ATXN10: variants seen among roughly 807,000 people sequenced by gnomAD.
ATXN10 encodes ataxin-10.
In ATXN10, 28 loss-of-function variants were observed where a neutral mutation model predicts 52.9. The ratio of observed to expected loss-of-function variants is 0.53; its 90% confidence interval spans 0.39 to 0.73. The LOEUF (loss-of-function observed/expected upper bound fraction) is 0.73. ATXN10 is among the 30% of genes least tolerant of loss of function. ATXN10 has a pLI of 0.00. For missense variants in ATXN10, 565 were observed against 577.0 expected (o/e 0.98, Z 0.21); for synonymous variants, 226 against 221.5 (o/e 1.02, Z -0.18).
chr22:45,726,046 A>G (rs931772908), intron 6 of ATXN10, among the ~76,000 whole-genome samples: 1 of 152,110 alleles, frequency 6.6e-6, no homozygotes, highest in Non-Finnish European at 1.5e-5. Context: ...CGATGGATTC[A>G]GTTTTCTAGT....
chr22:45,719,556 T>A (rs1407393358), intron 6 of ATXN10, among the ~76,000 whole-genome samples: 1 of 88,604 alleles, frequency 1.1e-5, no homozygotes, highest in South Asian at 3.0e-4. Context: ...AAAATTAGTA[T>A]TTTTTTTTTT....
intron 7 of ATXN10, among the ~76,000 whole-genome samples, chr22:45,737,997 A>G (rs1372443525): frequency 2.0e-5 from 3 of 152,160 alleles, no homozygotes; most frequent in African/African-American, 7.2e-5. Context: ...GACTAACTTT[A>G]TAATCTCTGC....
At chr22:45,830,793 G>A (rs1290294453) in intron 10 of ATXN10, among the ~76,000 whole-genome samples, 3 of 152,018 alleles carry the variant, frequency 2.0e-5, no homozygotes, top group Middle Eastern at 3.5e-3. Flanking sequence ...TGTGGAAAAC[G>A]GTTTGGCAAG....
intron 9 of ATXN10, among the ~76,000 whole-genome samples, chr22:45,779,792 G>T (rs1927082261): frequency 6.6e-6 from 1 of 152,122 alleles, no homozygotes; most frequent in Admixed American, 6.5e-5. Context: ...AGATGAAATA[G>T]AATTCGTACA....
rs576415270 is a variant in ATXN10, at chr22:45,775,687, T to G, written c.1174-31272T>G. ...AAAATGTGACTTGCAGTATTGTTAT[T>G]GAGAGAGATTTAGTGAAAAACAGCG... On this transcript the variant is annotated intron_variant, in intron 9 of 11. Transcript: ENST00000252934. This position sits in a 1 kb window ranked among gnomAD's most constrained non-coding sequence, Gnocchi z 4.7. Among the ~76,000 whole-genome samples the G allele has an allele frequency of 1.3e-5, 2 of 152,326 alleles. No homozygotes were observed. The highest frequency in any genetic ancestry group is 4.1e-4 in the South Asian group (2 of 4,828).
At chr22:45,829,695 A>G (rs1339759730) in intron 10 of ATXN10, among the ~76,000 whole-genome samples, 1 of 152,218 alleles carries the variant, frequency 6.6e-6, no homozygotes, top group African/African-American at 2.4e-5. Context: ...TTGTACCATG[A>G]AAACTATAAA....
chr22:45,700,225 T>C (rs1252268810), intron 3 of ATXN10, 57 bp from the exon 4 acceptor site: 1 of 1,191,478 alleles, frequency 8.4e-7, no homozygotes, highest in Non-Finnish European at 1.2e-6. Flanking sequence ...TTAAGATGCA[T>C]TTATTTATTG....
intron 9 of ATXN10, among the ~76,000 whole-genome samples, chr22:45,741,894 A>G (rs1925551297): frequency 6.6e-6 from 1 of 152,190 alleles, no homozygotes; most frequent in Non-Finnish European, 1.5e-5. Flanking sequence ...CATGCAGGGC[A>G]GTGAAAAGTC....
rs1922912415 is a variant in ATXN10 at position 45,681,325 on chromosome 22, A to G, written c.117-8387A>G. 6.6e-6 allele frequency among the ~76,000 whole-genome samples: 1 copy of G among 152,098 alleles called. No homozygotes were observed. Among genetic ancestry groups the G allele is most frequent in the East Asian group, 1.9e-4 (1 of 5,178 alleles). On this transcript the variant is annotated intron_variant, in intron 1 of 11. Transcript: ENST00000252934. This position sits in a 1 kb window ranked among gnomAD's most constrained non-coding sequence, Gnocchi z 4.2. ...GCCATACCTTACTTAGACTTTATCC[A>G]TAACTGTAGCTGCCTTCCCCCACAA...
chr22:45,832,550 G>A (rs1929028217), intron 10 of ATXN10, among the ~76,000 whole-genome samples: 2 of 152,234 alleles, frequency 1.3e-5, no homozygotes, highest in Non-Finnish European at 2.9e-5. Flanking sequence ...GCCTCTGCAA[G>A]TGCTAGAATG....
Position 45,770,470 on chromosome 22 carries a change from C to T in ATXN10, c.1173+29932C>T, listed in dbSNP as rs1457611354. ...CTGTGTCTGTGAATGTGTGTTGCAA[C>T]ATTAGGTTGCAATGCATATGTGTTT... On this transcript the variant is annotated intron_variant, in intron 9 of 11. Transcript: ENST00000252934. This position sits in a 1 kb window ranked among gnomAD's most constrained non-coding sequence, Gnocchi z 4.5. Among the ~76,000 whole-genome samples the T allele has an allele frequency of 6.6e-6, 1 of 152,176 alleles. No individual in the cohort carries two copies. Among genetic ancestry groups the T allele is most frequent in the African/African-American group, 2.4e-5 (1 of 41,438 alleles).
rs904225982 is a variant in ATXN10 at position 45,766,478 on chromosome 22, A to G, written c.1173+25940A>G. Among the ~76,000 whole-genome samples, 4 of 152,284 alleles carry G rather than the reference A, an allele frequency of 2.6e-5. No individual in the cohort carries two copies. Among genetic ancestry groups the G allele is most frequent in the African/African-American group, 9.6e-5 (4 of 41,564 alleles). On this transcript the variant is annotated intron_variant, in intron 9 of 11. Transcript: ENST00000252934. This position sits in a 1 kb window ranked among gnomAD's most constrained non-coding sequence, Gnocchi z 4.6. Reference sequence around the variant, plus strand: ...TCCATGAAATCAGTCCCTGGTGCCAAAAAGGTTGGGAACTCCTCCTTTAGA... The same window carrying G: ...TCCATGAAATCAGTCCCTGGTGCCAGAAAGGTTGGGAACTCCTCCTTTAGA...
intron 7 of ATXN10, among the ~76,000 whole-genome samples, chr22:45,731,674 A>G (rs1255766951): frequency 6.6e-6 from 1 of 152,182 alleles, no homozygotes; most frequent in East Asian, 1.9e-4. Context: ...CGATACTGTG[A>G]AACTGTTAAC....
rs1458862354 is a variant in ATXN10 at position 45,740,388 on chromosome 22, T to C, written c.1023T>C (p.His341=). ...TTATAGATCTTTTGCGGGTGATTCA[T>C]GTAGCTGGAAAAGAAACCACAAACA... ...ERVIDLLRVI[H]VAGKETTNIF... is the part of the protein sequence containing the mutation. Residue 341 remains histidine (H), a synonymous_variant, in exon 9 of 12, where the codon CAT becomes CAC. Transcript: ENST00000252934. 1.9e-6 allele frequency: 3 copies of C among 1,613,778 alleles called. No homozygotes were observed. The highest frequency in any genetic ancestry group is 1.3e-5 in the African/African-American group (1 of 74,888).
rs4417804 is a variant in ATXN10 at position 45,818,824 on chromosome 22, T to C, written c.1237+11802T>C. 0.2 allele frequency among the ~76,000 whole-genome samples: 30,409 copies of C among 152,056 alleles called. 3,940 individuals carry two copies. The highest frequency in any genetic ancestry group is 0.52 in the East Asian group (2,681 of 5,142). On this transcript the variant is annotated intron_variant, in intron 10 of 11. Coordinates refer to ENST00000252934, the MANE Select transcript of ATXN10 (RefSeq NM_013236.4). This position sits in a 1 kb window ranked among gnomAD's most constrained non-coding sequence, Gnocchi z 4.6. ...ATTTATTTGAAAACAGAAACAAAACTGTATGTGGACACTGATTGCCTGTTC... is the reference window on the plus strand; with the variant it reads ...ATTTATTTGAAAACAGAAACAAAACCGTATGTGGACACTGATTGCCTGTTC...
rs1926817425 is a variant in ATXN10, at chr22:45,772,656, T to C, written c.1173+32118T>C. On this transcript the variant is annotated intron_variant, in intron 9 of 11. Coordinates refer to ENST00000252934, the MANE Select transcript of ATXN10 (RefSeq NM_013236.4). The surrounding 1 kb of genome is among the most constrained non-coding windows in gnomAD (Gnocchi z 4.1). The stretch of plus-strand genomic sequence containing the variant: ...CAGCTCTCTTTGGGGGGAATCAATG[T>C]CTTACTGTGTTGAGTCTTCCAATCC... Among the ~76,000 whole-genome samples, 1 of 152,242 alleles carries C rather than the reference T, an allele frequency of 6.6e-6. No individual in the cohort carries two copies. Among genetic ancestry groups the C allele is most frequent in the Non-Finnish European group, 1.5e-5 (1 of 68,030 alleles).
intron 9 of ATXN10, among the ~76,000 whole-genome samples, chr22:45,796,129 C>T (rs1427800723): frequency 6.6e-6 from 1 of 152,212 alleles, no homozygotes; most frequent in African/African-American, 2.4e-5. Context: ...GAAACGAATG[C>T]ATTCCCAGGG....
intron 9 of ATXN10, among the ~76,000 whole-genome samples, chr22:45,776,250 A>AACCACCCACTTGTT (rs1161728104): frequency 7.9e-5 from 12 of 152,186 alleles, no homozygotes; most frequent in Non-Finnish European, 1.8e-4. Context: ...CTTAATCATA[A>AACCACCCACTTGTT]ACCACCCACT....
At chr22:45,804,980 G>A (rs183073068) in intron 9 of ATXN10, among the ~76,000 whole-genome samples, 1 of 152,236 alleles carries the variant, frequency 6.6e-6, no homozygotes, top group East Asian at 1.9e-4. Context: ...CGATCCTCCC[G>A]CAGCAGTCCA....
Sources: allele counts gnomAD v4.1 joint callset (sites outside exome capture counted in the v4.1 genomes callset), GRCh38; gene constraint gnomAD v4.1.1; non-coding constraint Gnocchi (gnomAD v3.1); transcripts MANE v1.5; gene names NCBI Gene and HGNC (gene_info 2026-07-23, HGNC 2026-07-21).